The following AOX1 variants were observed in gnomAD, a reference collection of about 807,000 sequenced individuals.
The protein encoded by AOX1 is aldehyde oxidase.
AOX1 carries 153 observed loss-of-function variants against 169.5 expected under a neutral mutation model. The ratio of observed to expected loss-of-function variants is 0.90; its 90% CI spans 0.79 to 1.03. The LOEUF is 1.03. Ranked by LOEUF, AOX1 falls within the 50% of genes least tolerant of loss-of-function variation. The pLI, the probability that AOX1 is intolerant of heterozygous loss-of-function variation, is 0.00. For missense variants in AOX1, 1,656 were observed against 1,663.9 expected (o/e 1.00, Z 0.08); for synonymous variants, 562 against 581.9 (o/e 0.97, Z 0.49).
At chr2:200,654,652 T>A (rs1182233511) in intron 26 of AOX1, among the ~76,000 whole-genome samples, 1 of 152,222 alleles carries the variant, frequency 6.6e-6, no homozygotes, top group African/African-American at 2.4e-5. Flanking sequence ...GGAACTCAAA[T>A]GTCTGAATGG....
In AOX1 at chr2:200,670,934, C is replaced by G; in HGVS notation, c.*255C>G. 2 of 397,518 alleles carry G rather than the reference C, an allele frequency of 5.0e-6. No individual in the cohort carries two copies. Among genetic ancestry groups the G allele is most frequent in the East Asian group, 3.7e-5 (1 of 27,024 alleles). The allele number at this position is 397,518 out of a possible 1,614,324, so 24.6% of individuals were successfully genotyped here. ...CTCTAGGGTGATATCCGTCATTACTCTGTCTCTTCAATCCATCCAGCTAAA... is the reference window on the plus strand; with the variant it reads ...CTCTAGGGTGATATCCGTCATTACTGTGTCTCTTCAATCCATCCAGCTAAA... On this transcript the variant is annotated 3_prime_UTR_variant, in exon 35 of 35. Transcript: ENST00000374700.
intron 1 of AOX1, among the ~76,000 whole-genome samples, chr2:200,587,685 G>A (rs2034067419): frequency 6.6e-6 from 1 of 152,186 alleles, no homozygotes. Context: ...ACTGCTGTGA[G>A]GGTGAAATAT....
intron 21 of AOX1, among the ~76,000 whole-genome samples, chr2:200,636,054 T>G (rs2035222508): frequency 1.4e-5 from 2 of 141,202 alleles, no homozygotes; most frequent in African/African-American, 5.2e-5. Context: ...AAGAGTGAGA[T>G]CTGCATCTAG....
rs34887452 is a variant in AOX1 at position 200,620,199 on chromosome 2, C to CT, written c.1705-432dup. Among the ~76,000 whole-genome samples the CT allele has an allele frequency of 2.4e-3, 311 of 130,804 alleles. 4 individuals carry two copies. Among genetic ancestry groups the CT allele is most frequent in the African/African-American group, 8.0e-3 (279 of 35,086 alleles). 85.8% of individuals were successfully genotyped at this position (130,804 alleles called of 152,430 possible). A position where few individuals can be genotyped will look rare whatever the true frequency, so the allele number is the denominator to read the frequency against. ...ATTGTCTTGGTGTTATTAATAGTGA[C>CT]TTTTTTTTTTTTTTTTTTTGATGGC... On this transcript the variant is annotated intron_variant, in intron 16 of 34. Transcript: ENST00000374700.
chr2:200,586,174 T>C, intron 1 of AOX1, 21 bp downstream of exon 1: 1 of 1,550,954 alleles, frequency 6.4e-7, no homozygotes, highest in South Asian at 1.2e-5. Flanking sequence ...GCGGGCTTCC[T>C]CTGCCCCCAG....
chr2:200,655,874 C>T (rs1256908310), intron 26 of AOX1, among the ~76,000 whole-genome samples: 1 of 152,134 alleles, frequency 6.6e-6, no homozygotes, highest in East Asian at 1.9e-4. Flanking sequence ...GCAGTTCCAT[C>T]AACCTTCACT....
rs570031417 is a variant in AOX1 at position 200,634,196 on chromosome 2, G to A, written c.2222-595G>A. Among the ~76,000 whole-genome samples the A allele has an allele frequency of 1.7e-4, 8 of 45,838 alleles. No individual in the cohort carries two copies. In the South Asian group the frequency reaches 6.1e-3, roughly 35 times the overall value. The allele number at this position is 45,838 out of a possible 152,430, so 30.1% of individuals were successfully genotyped here. On this transcript the variant is annotated intron_variant, in intron 20 of 34. Transcript: ENST00000374700. ...TTTTTTTTTTTTTTTTTTTGTCTTT[G>A]CCTGTTGGAGTTTTTAGATTGCTGG... is the stretch of plus-strand genomic sequence containing the variant.
chr2:200,658,562 G>A (rs930148298), intron 27 of AOX1, among the ~76,000 whole-genome samples: 9 of 152,208 alleles, frequency 5.9e-5, no homozygotes, highest in Admixed American at 2.0e-4. Flanking sequence ...CTGCTAGCAG[G>A]AGAGAGGCAA....
At chr2:200,636,630 T>A (rs1306535697) in intron 21 of AOX1, among the ~76,000 whole-genome samples, 1 of 152,158 alleles carries the variant, frequency 6.6e-6, no homozygotes, top group African/African-American at 2.4e-5. Flanking sequence ...ATGAAAACAC[T>A]ACTAATTAGT....
chr2:200,642,792 C>T lies in AOX1; in HGVS notation c.2838C>T (p.Ser946=), dbSNP rs765053434. The change falls in exon 25 of 35, where the codon TCC becomes TCT. Residue 946 remains serine, a synonymous_variant. Coordinates refer to ENST00000374700, the MANE Select transcript of AOX1 (RefSeq NM_001159.4). The stretch of plus-strand genomic sequence containing the variant: ...AAGTTGCAGCCAAATGTGGACTATC[C>T]CCTGAGAAGGTAATACTAAATCAGC... ...ITEVAAKCGL[S]PEKVRIINMY... is the part of the protein sequence containing the mutation. The T allele has an allele frequency of 1.2e-6, 2 of 1,612,776 alleles. No individual in the cohort carries two copies. Among genetic ancestry groups the T allele is most frequent in the Admixed American group, 1.7e-5 (1 of 59,826 alleles).
intron 26 of AOX1, among the ~76,000 whole-genome samples, chr2:200,653,474 G>T (rs1227607876): frequency 6.6e-6 from 1 of 152,190 alleles, no homozygotes; most frequent in African/African-American, 2.4e-5. Flanking sequence ...CTATCAGGTA[G>T]GTATGAATCT....
chr2:200,649,115 C>T (rs1574951330), intron 25 of AOX1, among the ~76,000 whole-genome samples: 1 of 152,264 alleles, frequency 6.6e-6, no homozygotes, highest in East Asian at 1.9e-4. Context: ...GCTTCTTGCC[C>T]CATTCAAATT....
At chr2:200,617,040 A>G (rs1339128595) in intron 16 of AOX1, among the ~76,000 whole-genome samples, 2 of 152,220 alleles carry the variant, frequency 1.3e-5, no homozygotes, top group African/African-American at 2.4e-5. Context: ...CCTTTGGCTT[A>G]TAAATACCCT....
At chr2:200,589,480 A>G (rs936363626) in intron 1 of AOX1, among the ~76,000 whole-genome samples, 7 of 152,196 alleles carry the variant, frequency 4.6e-5, no homozygotes, top group African/African-American at 1.4e-4. Flanking sequence ...CTGCTCTGCC[A>G]CTTGGCGGGT....
At chr2:200,593,297 C>A in intron 2 of AOX1, 94 bp downstream of exon 2, 1 of 1,012,404 alleles carries the variant, frequency 9.9e-7, no homozygotes, top group Non-Finnish European at 1.5e-6. Flanking sequence ...ACATTAGAGA[C>A]ACTGAGACAT....
At chr2:200,659,786 T>TCA (rs56916091) in intron 28 of AOX1, among the ~76,000 whole-genome samples, 14,440 of 95,958 alleles carry the variant, frequency 0.15, 857 homozygotes, top group Non-Finnish European at 0.21. Context: ...GTTCTCTCTC[T>TCA]CACACACACA....
chr2:200,593,152 G>A lies in AOX1; in HGVS notation c.52G>A (p.Glu18Lys). Reference protein sequence around the residue: ...LFYVNGRKVIEKNVDPETMLL... With the variant: ...LFYVNGRKVIKKNVDPETMLL... The stretch of plus-strand genomic sequence containing the variant: ...TATTTTCCCTTTGGTATAGGTGATA[G>A]AAAAAAATGTCGATCCTGAAACAAT... The change falls in exon 2 of 35, where the codon GAA becomes AAA. Residue 18 changes from glutamate to lysine, a missense_variant. Glu to Lys is a moderately conservative substitution (Grantham distance 56, BLOSUM62 1). Transcript: ENST00000374700. 1.2e-6 allele frequency: 2 copies of A among 1,613,214 alleles called. No individual in the cohort carries two copies. The highest frequency in any genetic ancestry group is 1.7e-6 in the Non-Finnish European group (2 of 1,179,466).
intron 1 of AOX1, 86 bp downstream of exon 1, chr2:200,586,239 C>A: frequency 7.2e-7 from 1 of 1,385,666 alleles, no homozygotes; most frequent in Non-Finnish European, 9.6e-7. Flanking sequence ...CCCATCCTTT[C>A]GTGCCCGCCG....
intron 10 of AOX1, among the ~76,000 whole-genome samples, chr2:200,607,178 G>C (rs1350244357): frequency 1.3e-5 from 2 of 152,182 alleles, no homozygotes; most frequent in African/African-American, 4.8e-5. Flanking sequence ...TTTATTGAAA[G>C]TTTTTAACAT....
Sources: allele counts gnomAD v4.1 joint callset (sites outside exome capture counted in the v4.1 genomes callset), GRCh38; gene constraint gnomAD v4.1.1; transcripts MANE v1.5; gene names NCBI Gene and HGNC (gene_info 2026-07-23, HGNC 2026-07-21).